The following SGCZ variants were observed in gnomAD, a reference collection of about 807,000 sequenced individuals.
SGCZ encodes the protein sarcoglycan zeta.
SGCZ carries 40 observed loss-of-function variants against 41.3 expected under a neutral mutation model. The ratio of observed to expected loss-of-function variants is 0.97; its 90% CI spans 0.75 to 1.26. The LOEUF (loss-of-function observed/expected upper bound fraction) is 1.26. SGCZ is among the 50% of genes most tolerant of loss of function. SGCZ has a pLI of 0.00. For missense variants in SGCZ, 552 were observed against 369.8 expected, an observed-to-expected ratio of 1.49 and a Z score of -4.04; for synonymous variants, 206 against 137.5, an observed-to-expected ratio of 1.50 and a Z score of -3.49.
At chr8:14,879,024 C>A (rs935445151) in intron 1 of SGCZ, 1 of 152,004 alleles carries the variant, frequency 6.6e-6, no homozygotes, top group Non-Finnish European at 1.5e-5. Context: ...GGCTCAAAGT[C>A]CTTTAAAACC....
chr8:14,382,756 AGTTTTGTAAT>A (rs1554509716), intron 2 of SGCZ, among the ~76,000 whole-genome samples: 1 of 152,194 alleles, frequency 6.6e-6, no homozygotes, highest in Non-Finnish European at 1.5e-5. Context: ...TTAATGAAAG[AGTTTTGTAAT>A]GTTTGCTTAT....
chr8:14,268,355 G>A (rs1451176296), intron 3 of SGCZ, among the ~76,000 whole-genome samples: 2 of 140,476 alleles, frequency 1.4e-5, no homozygotes, highest in African/African-American at 2.4e-5. Flanking sequence ...AAATATATAT[G>A]TGTATATATA....
At chr8:15,186,203 A>G (rs1352889726) in intron 1 of SGCZ, among the ~76,000 whole-genome samples, 3 of 142,526 alleles carry the variant, frequency 2.1e-5, no homozygotes, top group East Asian at 2.1e-4. Context: ...CGGAGCTTGC[A>G]GTGAGCAGAG....
At chr8:14,665,463 CAGTAAACAT>C (rs1807880939) in intron 1 of SGCZ, among the ~76,000 whole-genome samples, 1 of 152,134 alleles carries the variant, frequency 6.6e-6, no homozygotes, top group African/African-American at 2.4e-5. Flanking sequence ...AATAGTGCTG[CAGTAAACAT>C]ACGTGTGCGT....
At chr8:14,668,250 G>A (rs56007829) in intron 1 of SGCZ, among the ~76,000 whole-genome samples, 8 of 152,176 alleles carry the variant, frequency 5.3e-5, no homozygotes, top group African/African-American at 1.4e-4. Flanking sequence ...GTGAGCCACC[G>A]CCCCCAGCCC....
intron 1 of SGCZ, among the ~76,000 whole-genome samples, chr8:14,953,678 A>G (rs1222951930): frequency 6.6e-6 from 1 of 152,128 alleles, no homozygotes; most frequent in Non-Finnish European, 1.5e-5. Flanking sequence ...TCACTTTACT[A>G]TACTGGGACT....
At chr8:14,126,959 C>T (rs1297988479) in intron 5 of SGCZ, among the ~76,000 whole-genome samples, 2 of 152,010 alleles carry the variant, frequency 1.3e-5, no homozygotes. Context: ...AGGGGGACAA[C>T]ACACACTGGG....
chr8:15,051,917 G>A (rs753259792), intron 1 of SGCZ, among the ~76,000 whole-genome samples: 24 of 152,222 alleles, frequency 1.6e-4, no homozygotes, highest in Non-Finnish European at 2.2e-4. Context: ...CAATTTGGGC[G>A]CGCCAAAAGA....
intron 1 of SGCZ, among the ~76,000 whole-genome samples, chr8:14,890,035 G>A (rs2130740228): frequency 1.3e-5 from 2 of 152,096 alleles, no homozygotes; most frequent in South Asian, 4.2e-4. Context: ...TGGCCAATAT[G>A]GTGAAACTCC....
intron 5 of SGCZ, among the ~76,000 whole-genome samples, chr8:14,123,935 G>C (rs1419196635): frequency 1.3e-5 from 2 of 152,124 alleles, no homozygotes; most frequent in East Asian, 1.9e-4. Flanking sequence ...AGAGGCACAA[G>C]AATAGTCTGA....
At chr8:14,769,802 A>AAAAAAAAAAAAAAAAAAAAAAC (rs1800172726) in intron 1 of SGCZ, among the ~76,000 whole-genome samples, 1 of 149,694 alleles carries the variant, frequency 6.7e-6, no homozygotes, top group African/African-American at 2.5e-5. Context: ...TTAAAAAAAA[A>AAAAAAAAAAAAAAAAAAAAAAC]AAAAAAAAAA....
intron 1 of SGCZ, among the ~76,000 whole-genome samples, chr8:14,939,584 G>T (rs1800200653): frequency 6.6e-6 from 1 of 152,090 alleles, no homozygotes; most frequent in African/African-American, 2.4e-5. Flanking sequence ...TCAAAGAAAT[G>T]ATATTTTAAA....
intron 4 of SGCZ, among the ~76,000 whole-genome samples, chr8:14,230,261 A>G (rs1806514519): frequency 1.3e-5 from 2 of 152,246 alleles, no homozygotes; most frequent in African/African-American, 4.8e-5. Flanking sequence ...CTCATTTCAT[A>G]CACAAGGCAA....
At chr8:14,104,731 AATG>A (rs1314110642) in intron 6 of SGCZ, among the ~76,000 whole-genome samples, 2 of 151,780 alleles carry the variant, frequency 1.3e-5, no homozygotes, top group East Asian at 1.9e-4. Context: ...TGAATATATT[AATG>A]ATGTGTATTT....
At chr8:14,511,696 A>G (rs1802473100) in intron 2 of SGCZ, among the ~76,000 whole-genome samples, 1 of 152,166 alleles carries the variant, frequency 6.6e-6, no homozygotes, top group Non-Finnish European at 1.5e-5. Context: ...GAATTTAGGG[A>G]AGAAAAGGAC....
intron 1 of SGCZ, among the ~76,000 whole-genome samples, chr8:14,719,513 C>G (rs1809810451): frequency 6.6e-6 from 1 of 151,782 alleles, no homozygotes; most frequent in Admixed American, 6.6e-5. Flanking sequence ...TCTCCAGCAC[C>G]TGTTGTTTCC....
At chr8:15,190,224 T>C (rs1161063342) in intron 1 of SGCZ, among the ~76,000 whole-genome samples, 1 of 152,188 alleles carries the variant, frequency 6.6e-6, no homozygotes, top group African/African-American at 2.4e-5. Flanking sequence ...ATGGTAAAGC[T>C]TGTTATACCT....
intron 1 of SGCZ, among the ~76,000 whole-genome samples, chr8:14,570,986 G>A (rs753447123): frequency 6.6e-5 from 10 of 152,028 alleles, no homozygotes; most frequent in African/African-American, 9.7e-5. Context: ...CTCACTCATC[G>A]AGATTAGTCA....
At chr8:14,493,913 T>C (rs959939685) in intron 2 of SGCZ, among the ~76,000 whole-genome samples, 19 of 152,168 alleles carry the variant, frequency 1.2e-4, no homozygotes, top group African/African-American at 4.6e-4. Flanking sequence ...CTAATGGACT[T>C]TTGATACAAT....
Sources: gnomAD v4.1 joint callset for allele counts (sites outside exome capture counted in the v4.1 genomes callset) on GRCh38, gnomAD v4.1.1 for gene constraint, MANE v1.5 for transcripts, NCBI Gene and HGNC (gene_info 2026-07-23, HGNC 2026-07-21) for gene names.